The following KLF7 variants were observed in gnomAD, a reference collection of about 807,000 sequenced individuals.
The protein encoded by KLF7 is Krueppel-like factor 7.
A neutral mutation model predicts 27.3 loss-of-function variants in KLF7; 2 were observed. That is an observed-to-expected ratio of 0.07 (90% CI 0.03 to 0.23). The LOEUF (loss-of-function observed/expected upper bound fraction) is 0.23, where lower values mean the gene tolerates loss of function less well. KLF7 is among the 10% of genes least tolerant of loss of function. The pLI is 1.00. For missense variants in KLF7, 221 were observed against 394.1 expected (o/e 0.56, Z 3.72); for synonymous variants, 165 against 162.4 (o/e 1.02, Z -0.12).
In KLF7 at chr2:207,080,567, G is replaced by T. The variant is rs2076248978; in HGVS notation, c.*646C>A. On this transcript the variant is annotated 3_prime_UTR_variant, in exon 4 of 4. Coordinates refer to ENST00000309446, the MANE Select transcript of KLF7 (RefSeq NM_003709.4). ...TAAGGCCGTTGGGATCGACGCGAAA[G>T]ATCTCAATAGTACTAAGAACCAAAA... is the stretch of plus-strand genomic sequence containing the variant. The T allele has an allele frequency of 2.9e-6, 1 of 344,818 alleles. No individual in the cohort carries two copies. The highest frequency in any genetic ancestry group is 2.1e-5 in the African/African-American group (1 of 47,602). 21.4% of individuals were successfully genotyped at this position (344,818 alleles called of 1,614,324 possible).
Position 207,079,308 on chromosome 2 carries a change from A to G in KLF7, c.*1905T>C, listed in dbSNP as rs961636546. The G allele has an allele frequency of 6.6e-6, 1 of 152,112 alleles. No individual in the cohort carries two copies. Among genetic ancestry groups the G allele is most frequent in the Non-Finnish European group, 1.5e-5 (1 of 68,026 alleles). 9.4% of individuals were successfully genotyped at this position (152,112 alleles called of 1,614,324 possible). ...TGTCATATATGTGTTTGTGTTTCTT[A>G]TATTATTTCCTTTTGACTTCAGTTT... On this transcript the variant is annotated 3_prime_UTR_variant, in exon 4 of 4. Coordinates refer to ENST00000309446, the MANE Select transcript of KLF7 (RefSeq NM_003709.4).
chr2:207,164,774 G>C (rs1013683671), intron 1 of KLF7, among the ~76,000 whole-genome samples: 1 of 152,168 alleles, frequency 6.6e-6, no homozygotes, highest in Non-Finnish European at 1.5e-5. Flanking sequence ...AAACAAAAAA[G>C]AGAAACAAGG....
At position 207,124,318 on chromosome 2, in the gene KLF7, G is replaced by A. The variant is rs750908120; in HGVS notation, c.189C>T (p.His63=). 1.3e-5 allele frequency: 21 copies of A among 1,612,698 alleles called. No individual in the cohort carries two copies. Among genetic ancestry groups the A allele is most frequent in the South Asian group, 7.7e-5 (7 of 91,034 alleles). Reference sequence around the variant, plus strand: ...CCTCAATGCACGGGGGAGGGGAAGCGTGGAGGAAACAGTCCAAGTCCTCAC... The same window carrying A: ...CCTCAATGCACGGGGGAGGGGAAGCATGGAGGAAACAGTCCAAGTCCTCAC... The part of the protein sequence containing the change: ...TFGEDLDCFL[H]ASPPPCIEES... The change falls in exon 2 of 4, where the codon CAC becomes CAT. Residue 63 remains histidine (H), a synonymous_variant. Coordinates refer to ENST00000309446, the MANE Select transcript of KLF7 (RefSeq NM_003709.4).
chr2:207,082,399 G>T (rs1210644166), intron 3 of KLF7, among the ~76,000 whole-genome samples: 4 of 152,180 alleles, frequency 2.6e-5, no homozygotes, highest in Non-Finnish European at 5.9e-5. Context: ...GGTTCTGGGG[G>T]ATAGAAAGAG....
intron 3 of KLF7, among the ~76,000 whole-genome samples, chr2:207,086,451 C>T (rs368504930): frequency 6.6e-6 from 1 of 152,114 alleles, no homozygotes; most frequent in Admixed American, 6.5e-5. Flanking sequence ...TGGCCTGTGT[C>T]GCGGGACGCT....
At chr2:207,125,981 T>C (rs2077466374) in intron 1 of KLF7, among the ~76,000 whole-genome samples, 1 of 152,230 alleles carries the variant, frequency 6.6e-6, no homozygotes, top group Non-Finnish European at 1.5e-5. Flanking sequence ...CACCTAATTC[T>C]ATACTCTATT....
chr2:207,095,239 A>G (rs904352773), intron 2 of KLF7, among the ~76,000 whole-genome samples: 7 of 151,810 alleles, frequency 4.6e-5, no homozygotes, highest in Non-Finnish European at 8.8e-5. Context: ...TAGTGGAGAC[A>G]GGGTTTCACC....
At chr2:207,107,893 C>G (rs576235792) in intron 2 of KLF7, among the ~76,000 whole-genome samples, 10 of 152,346 alleles carry the variant, frequency 6.6e-5, no homozygotes, top group African/African-American at 2.4e-4. Context: ...CTAAAAAGAC[C>G]TATGTTTGCA....
In KLF7 at chr2:207,080,782, T is replaced by C. The variant is rs1420097889; in HGVS notation, c.*431A>G. 2 of 401,244 alleles carry C rather than the reference T, an allele frequency of 5.0e-6. No homozygotes were observed. The highest frequency in any genetic ancestry group is 8.8e-6 in the Non-Finnish European group (2 of 227,548). 24.9% of individuals were successfully genotyped at this position (401,244 alleles called of 1,614,324 possible). A position where few individuals can be genotyped will look rare whatever the true frequency, so the allele number is the denominator to read the frequency against. On this transcript the variant is annotated 3_prime_UTR_variant, in exon 4 of 4. Coordinates refer to ENST00000309446, the MANE Select transcript of KLF7 (RefSeq NM_003709.4). ...GCAACTTTAAGATGCTGGATTCTCC[T>C]ATCAAGTTGCACTGAGAAGCAAGTG...
upstream of KLF7, chr2:207,166,707 G>T: frequency 2.6e-6 from 2 of 760,692 alleles, no homozygotes; most frequent in Non-Finnish European, 3.2e-6. Context: ...CTCCGCCTGG[G>T]CACGGGGCAG....
At chr2:207,086,530 C>G (rs1041791375) in intron 3 of KLF7, among the ~76,000 whole-genome samples, 2 of 152,192 alleles carry the variant, frequency 1.3e-5, no homozygotes, top group Non-Finnish European at 2.9e-5. Context: ...ATTTCTAGCT[C>G]CAGAAACTGT....
intron 2 of KLF7, among the ~76,000 whole-genome samples, chr2:207,096,841 T>C (rs908408619): frequency 6.6e-6 from 1 of 152,218 alleles, no homozygotes; most frequent in Non-Finnish European, 1.5e-5. Context: ...AAAAGTGCCA[T>C]TAAGAAACAC....
chr2:207,166,983 G>T, upstream of KLF7: 2 of 702,088 alleles, frequency 2.8e-6, no homozygotes, highest in Non-Finnish European at 3.6e-6. Flanking sequence ...TTCTGACCCC[G>T]AGCGAGAGAC....
At chr2:207,167,522 C>T (rs2078747258), upstream of KLF7, among the ~76,000 whole-genome samples, 1 of 152,168 alleles carries the variant, frequency 6.6e-6, no homozygotes. Flanking sequence ...ATGAAATAAG[C>T]ACAGATTGAA....
At chr2:207,143,813 C>A (rs993219529) in intron 1 of KLF7, among the ~76,000 whole-genome samples, 3 of 152,186 alleles carry the variant, frequency 2.0e-5, no homozygotes, top group Non-Finnish European at 4.4e-5. Context: ...CAGCCCTGGT[C>A]TGAAGCTTCC....
Position 207,165,592 on chromosome 2 carries a change from G to C in KLF7, c.-24C>G. On this transcript the variant is annotated 5_prime_UTR_variant, in exon 1 of 4. Transcript: ENST00000309446. ...ATGCTGCTGCTGCCGGGCAAAACGGGAGGCGAAACCCTCCCCCGAACACAG... is the reference window on the plus strand; with the variant it reads ...ATGCTGCTGCTGCCGGGCAAAACGGCAGGCGAAACCCTCCCCCGAACACAG... The C allele has an allele frequency of 6.2e-7, 1 of 1,612,650 alleles. No individual in the cohort carries two copies. The highest frequency in any genetic ancestry group is 8.5e-7 in the Non-Finnish European group (1 of 1,179,976).
chr2:207,152,712 A>G (rs1345325206), intron 1 of KLF7, among the ~76,000 whole-genome samples: 1 of 152,252 alleles, frequency 6.6e-6, no homozygotes, highest in Non-Finnish European at 1.5e-5. Flanking sequence ...GAAATCTAAA[A>G]GGAAATGAAA....
At chr2:207,131,095 A>C (rs2077621448) in intron 1 of KLF7, among the ~76,000 whole-genome samples, 1 of 152,206 alleles carries the variant, frequency 6.6e-6, no homozygotes, top group African/African-American at 2.4e-5. Context: ...AAAGCATGGG[A>C]AAGTGCAGCT....
At chr2:207,112,235 T>G (rs2077057625) in intron 2 of KLF7, among the ~76,000 whole-genome samples, 1 of 146,450 alleles carries the variant, frequency 6.8e-6, no homozygotes, top group Non-Finnish European at 1.5e-5. Context: ...TTATACCCTC[T>G]CTGTAAGTTT....
Sources: gnomAD v4.1 joint callset for allele counts (sites outside exome capture counted in the v4.1 genomes callset) on GRCh38, gnomAD v4.1.1 for gene constraint, MANE v1.5 for transcripts, NCBI Gene and HGNC (gene_info 2026-07-23, HGNC 2026-07-21) for gene names.